EXD1: variants seen among roughly 807,000 people sequenced by gnomAD.
EXD1 encodes the protein exonuclease 3'-5' domain containing 1, also known as piRNA biogenesis protein EXD1.
In EXD1, 63 loss-of-function variants were observed where a neutral mutation model predicts 49.1. The observed-to-expected ratio is 1.28, with a 90% CI of 1.05 to 1.58. The LOEUF (loss-of-function observed/expected upper bound fraction) is 1.58. Ranked by LOEUF, EXD1 falls within the 40% of genes most tolerant of loss-of-function variation. The pLI is 0.00. For synonymous variants in EXD1, 234 were observed against 239.2 expected (o/e 0.98, Z 0.20); for missense variants, 748 against 666.0 (o/e 1.12, Z -1.36).
At chr15:41,198,799 G>A (rs996606016) in intron 7 of EXD1, among the ~76,000 whole-genome samples, 9 of 151,682 alleles carry the variant, frequency 5.9e-5, no homozygotes, top group South Asian at 2.1e-4. Flanking sequence ...TCTGCCTCCC[G>A]GGTTCAAGTG....
intron 7 of EXD1, among the ~76,000 whole-genome samples, chr15:41,202,095 A>G (rs990224417): frequency 6.6e-6 from 1 of 151,934 alleles, no homozygotes; most frequent in African/African-American, 2.4e-5. Context: ...GAGCTGAACT[A>G]TGTTATAGCT....
intron 6 of EXD1, among the ~76,000 whole-genome samples, chr15:41,213,890 T>C (rs916645366): frequency 3.3e-5 from 5 of 152,230 alleles, no homozygotes; most frequent in African/African-American, 1.2e-4. Flanking sequence ...GTATGGCATG[T>C]GGATTATATC....
At chr15:41,203,929 A>AAAAAAAAC (rs2046775465) in intron 7 of EXD1, among the ~76,000 whole-genome samples, 1 of 132,456 alleles carries the variant, frequency 7.5e-6, no homozygotes, top group African/African-American at 2.6e-5. Context: ...AAAAAAAAAA[A>AAAAAAAAC]AAAAAAAAAA....
In EXD1 at chr15:41,190,140, A is replaced by G. The variant is rs755304037; in HGVS notation, c.865-12T>C. 1 of 1,613,884 alleles carries G rather than the reference A, an allele frequency of 6.2e-7. No individual in the cohort carries two copies. Among genetic ancestry groups the G allele is most frequent in the Non-Finnish European group, 8.5e-7 (1 of 1,179,816 alleles). On this transcript the variant is annotated splice_polypyrimidine_tract_variant and intron_variant, in intron 10 of 11. Transcript: ENST00000458580. ...ACTTCTGGATTTTCCTGGAGACAATAAAACAATTTCCTCTGAACAGTAAGC... is the reference window on the plus strand; with the variant it reads ...ACTTCTGGATTTTCCTGGAGACAATGAAACAATTTCCTCTGAACAGTAAGC...
chr15:41,215,813 T>G lies in EXD1; in HGVS notation c.409A>C (p.Thr137Pro). The G allele has an allele frequency of 6.2e-7, 1 of 1,614,086 alleles. No individual in the cohort carries two copies. Among genetic ancestry groups the G allele is most frequent in the Non-Finnish European group, 8.5e-7 (1 of 1,179,976 alleles). ...TTCTGCTGGAATTGATTAATGACTG[T>G]GTATGTCACCTCCTCTTCCTCTACA... The part of the protein sequence containing the change: ...SPSEEEEVTY[T>P]VINQFQQKFG... The change falls in exon 6 of 12, where the codon ACA (threonine) becomes CCA (proline). Residue 137 changes from threonine to proline, a missense_variant. Thr to Pro is a conservative substitution (Grantham distance 38). Transcript: ENST00000458580.
chr15:41,198,934 C>T (rs2046662009), intron 7 of EXD1, among the ~76,000 whole-genome samples: 1 of 151,258 alleles, frequency 6.6e-6, no homozygotes, highest in African/African-American at 2.4e-5. Flanking sequence ...TCCCAAAGTA[C>T]TGGGATTACA....
chr15:41,204,119 G>T (rs1057072532), intron 7 of EXD1, among the ~76,000 whole-genome samples: 2 of 149,810 alleles, frequency 1.3e-5, no homozygotes, highest in Admixed American at 1.3e-4. Context: ...ATGGTGGCAT[G>T]CACTTGTAGT....
At chr15:41,228,552 C>G (rs2047194944) in intron 1 of EXD1, among the ~76,000 whole-genome samples, 1 of 152,094 alleles carries the variant, frequency 6.6e-6, no homozygotes, top group African/African-American at 2.4e-5. Flanking sequence ...AAGACCAAGT[C>G]TTATGCATCC....
In EXD1 at chr15:41,184,392, T is replaced by C. The variant is rs758217292; in HGVS notation, c.1258A>G (p.Ile420Val). 41 of 1,613,894 alleles carry C rather than the reference T, an allele frequency of 2.5e-5. No homozygotes were observed. The highest frequency in any genetic ancestry group is 3.3e-5 in the Non-Finnish European group (39 of 1,180,020). Reference protein sequence around the residue: ...KGFLFGKNFRIDKAPSFTSQD... With the variant: ...KGFLFGKNFRVDKAPSFTSQD... ...GATGTAAAACTTGGAGCTTTATCTA[T>C]CCTAAAATTTTTACCAAATAAGAAG... The change falls in exon 12 of 12, where the codon ATA (isoleucine) becomes GTA (valine). Residue 420 changes from isoleucine to valine, a missense_variant. Ile to Val is a conservative substitution (Grantham distance 29). Coordinates refer to ENST00000458580, the MANE Select transcript of EXD1 (RefSeq NM_001286441.2).
chr15:41,209,588 C>G lies in EXD1; in HGVS notation c.448-1G>C, dbSNP rs2046891009. The G allele has an allele frequency of 1.9e-6, 3 of 1,613,124 alleles. No homozygotes were observed. The highest frequency in any genetic ancestry group is 2.5e-6 in the Non-Finnish European group (3 of 1,179,706). Reference sequence around the variant, plus strand: ...CATTCTGCTTCTTGATATGGAGTATCTGGTAAGAAAAAGAAGGAAAGGAAA... The same window carrying G: ...CATTCTGCTTCTTGATATGGAGTATGTGGTAAGAAAAAGAAGGAAAGGAAA... On this transcript the variant is annotated splice_acceptor_variant, in intron 6 of 11. Transcript: ENST00000458580. LOFTEE classifies it high-confidence loss of function.
At chr15:41,205,746 G>A (rs1325441379) in intron 7 of EXD1, among the ~76,000 whole-genome samples, 2 of 151,438 alleles carry the variant, frequency 1.3e-5, no homozygotes, top group Non-Finnish European at 2.9e-5. Flanking sequence ...AAGGGAGGGA[G>A]GGAGGGAGGA....
chr15:41,199,732 T>TATATATA (rs1159105027), intron 7 of EXD1, among the ~76,000 whole-genome samples: 2 of 78,816 alleles, frequency 2.5e-5, no homozygotes, highest in Non-Finnish European at 4.6e-5. Flanking sequence ...TTATATATGA[T>TATATATA]ATATATGTCA....
At chr15:41,199,739 G>GATTGATATATA (rs777473507) in intron 7 of EXD1, among the ~76,000 whole-genome samples, 1 of 79,378 alleles carries the variant, frequency 1.3e-5, no homozygotes, top group African/African-American at 5.2e-5. Context: ...TGATATATAT[G>GATTGATATATA]TCATATATTA....
At position 41,219,858 on chromosome 15, in the gene EXD1, C is replaced by A. The variant is rs1054418346; in HGVS notation, c.174G>T (p.Lys58Asn). 1.4e-5 allele frequency: 21 copies of A among 1,535,724 alleles called. No homozygotes were observed. Among genetic ancestry groups the A allele is most frequent in the African/African-American group, 2.7e-5 (2 of 73,016 alleles). Residue 58 changes from lysine to asparagine, a missense_variant, in exon 3 of 12, where the codon AAG (lysine) becomes AAT (asparagine). By Grantham distance (94) the Lys-to-Asn change is moderately conservative. Coordinates refer to ENST00000458580, the MANE Select transcript of EXD1 (RefSeq NM_001286441.2). ...TCACAATCTCATGCCCAAAAAACAA[C>A]TTCACTCCTGGGACACTTCGACCTG... ...VETGRSVPGV[K>N]LFFGHEIVNV...
intron 7 of EXD1, among the ~76,000 whole-genome samples, chr15:41,207,358 A>T (rs60249025): frequency 0.27 from 40,863 of 151,624 alleles, 7,428 homozygotes; most frequent in African/African-American, 0.51. Context: ...CCTGACCAAA[A>T]TGGAGAAACC....
intron 7 of EXD1, among the ~76,000 whole-genome samples, chr15:41,204,549 T>G (rs1373752371): frequency 6.6e-6 from 1 of 151,502 alleles, no homozygotes; most frequent in Admixed American, 6.6e-5. Context: ...AGATTCCATC[T>G]CAAAAACAAA....
chr15:41,199,739 G>GATATAATATA (rs777473507), intron 7 of EXD1, among the ~76,000 whole-genome samples: 5 of 79,378 alleles, frequency 6.3e-5, no homozygotes, highest in Non-Finnish European at 7.1e-5. Flanking sequence ...TGATATATAT[G>GATATAATATA]TCATATATTA....
Position 41,195,835 on chromosome 15 carries a change from C to A in EXD1, c.660G>T (p.Trp220Cys), listed in dbSNP as rs1254045692. ...RILKVIHDCR[W>C]LSDCLSHQYG... ...ACTGATGAGAGAGGCAATCAGAAAG[C>A]CAACGACAATCATGGATAACCTAAG... The change falls in exon 9 of 12, where the codon TGG (tryptophan) becomes TGT (cysteine). Residue 220 changes from tryptophan to cysteine, a missense_variant. Trp to Cys is a radical substitution (Grantham distance 215). Coordinates refer to ENST00000458580, the MANE Select transcript of EXD1 (RefSeq NM_001286441.2). 1.2e-6 allele frequency: 2 copies of A among 1,613,492 alleles called. No individual in the cohort carries two copies. The highest frequency in any genetic ancestry group is 1.7e-6 in the Non-Finnish European group (2 of 1,179,866).
At position 41,219,860 on chromosome 15, in the gene EXD1, T is replaced by C. The variant is rs2047060190; in HGVS notation, c.172A>G (p.Lys58Glu). The change falls in exon 3 of 12, where the codon AAG (lysine) becomes GAG (glutamate). Residue 58 changes from lysine (K) to glutamate (E), a missense_variant. Lys to Glu is a moderately conservative substitution (Grantham distance 56). Transcript: ENST00000458580. Reference sequence around the variant, plus strand: ...ACAATCTCATGCCCAAAAAACAACTTCACTCCTGGGACACTTCGACCTGTC... The same window carrying C: ...ACAATCTCATGCCCAAAAAACAACTCCACTCCTGGGACACTTCGACCTGTC... ...VETGRSVPGV[K>E]LFFGHEIVNV... 3 of 1,535,744 alleles carry C rather than the reference T, an allele frequency of 2.0e-6. No homozygotes were observed. In the African/African-American group the frequency reaches 4.1e-5, roughly 21 times the overall value.
Sources: gnomAD v4.1 joint callset for allele counts (sites outside exome capture counted in the v4.1 genomes callset) on GRCh38, gnomAD v4.1.1 for gene constraint, MANE v1.5 for transcripts, NCBI Gene and HGNC (gene_info 2026-07-23, HGNC 2026-07-21) for gene names.